Variants in CACNA1E observed in about 807,000 individuals in gnomAD.
The protein encoded by CACNA1E is voltage-dependent R-type calcium channel subunit alpha-1E.
Under a neutral mutation model 259.2 loss-of-function variants are expected in CACNA1E, and 40 were observed. The ratio of observed to expected loss-of-function variants is 0.15; its 90% CI spans 0.12 to 0.20. The LOEUF (loss-of-function observed/expected upper bound fraction) is 0.20, where lower values mean the gene tolerates loss of function less well. CACNA1E is among the 10% of genes least tolerant of loss of function. CACNA1E has a pLI of 1.00. For missense variants in CACNA1E, 1,874 were observed against 3,040.1 expected, an observed-to-expected ratio of 0.62 and a Z score of 9.02; for synonymous variants, 1,104 against 1,138.5, an observed-to-expected ratio of 0.97 and a Z score of 0.61.
At chr1:181,338,724 A>C (rs187754740) in intron 1 of CACNA1E, among the ~76,000 whole-genome samples, 1 of 152,148 alleles carries the variant, frequency 6.6e-6, no homozygotes, top group Non-Finnish European at 1.5e-5. Flanking sequence ...TATTCAAAAA[A>C]TTATTGCCAA....
chr1:181,792,206 C>G (rs1191241767), intron 44 of CACNA1E, among the ~76,000 whole-genome samples: 2 of 152,084 alleles, frequency 1.3e-5, no homozygotes, highest in African/African-American at 2.4e-5. Flanking sequence ...AATAATGTGT[C>G]CTTTCTTTCA....
Position 181,660,396 on chromosome 1 carries a change from A to G in CACNA1E, c.1055+8955A>G, listed in dbSNP as rs565336052. Among the ~76,000 whole-genome samples the G allele has an allele frequency of 2.6e-5, 4 of 152,366 alleles. No individual in the cohort carries two copies. In the South Asian group the frequency reaches 8.3e-4, roughly 32 times the overall value. On this transcript the variant is annotated intron_variant, in intron 7 of 47. Coordinates refer to ENST00000367573, the MANE Select transcript of CACNA1E (RefSeq NM_001205293.3). ...TGGAAATATTTCAAAAATACATGTA[A>G]TGGGACTCTAAGTTCAAATAGTCCA...
intron 6 of CACNA1E, among the ~76,000 whole-genome samples, chr1:181,621,030 G>A (rs570750482): frequency 1.9e-4 from 29 of 152,324 alleles, no homozygotes; most frequent in African/African-American, 6.5e-4. Context: ...CATAATACAT[G>A]GAAAGTTTAT....
At chr1:181,774,575 T>C (rs1659804560) in intron 37 of CACNA1E, among the ~76,000 whole-genome samples, 1 of 152,248 alleles carries the variant, frequency 6.6e-6, no homozygotes, top group Non-Finnish European at 1.5e-5. Context: ...CCATCACCTC[T>C]GTGGTGTGTC....
intron 7 of CACNA1E, among the ~76,000 whole-genome samples, chr1:181,669,393 A>G (rs1038044578): frequency 1.3e-5 from 2 of 152,132 alleles, no homozygotes; most frequent in African/African-American, 4.8e-5. Flanking sequence ...CCAGGTAATC[A>G]CTTCTTTGGC....
chr1:181,700,898 T>TC lies in CACNA1E; in HGVS notation c.1056-10051dup, dbSNP rs377466293. On this transcript the variant is annotated intron_variant, in intron 7 of 47. Coordinates refer to ENST00000367573, the MANE Select transcript of CACNA1E (RefSeq NM_001205293.3). ...TCACTTCGAGTCTCTCCTCAGGAGC[T>TC]CCCCCTGCTCCATTTTCCCTCATAT... 1.7e-3 allele frequency among the ~76,000 whole-genome samples: 260 copies of TC among 152,226 alleles called. 1 individual carries two copies. Among genetic ancestry groups the TC allele is most frequent in the African/African-American group, 6.0e-3 (248 of 41,536 alleles).
chr1:181,699,724 T>C (rs1295671492), intron 7 of CACNA1E, among the ~76,000 whole-genome samples: 1 of 152,084 alleles, frequency 6.6e-6, no homozygotes, highest in Non-Finnish European at 1.5e-5. Context: ...TAGCCTGGAC[T>C]AGGGTGACAG....
At chr1:181,382,649 C>T (rs1256874033) in intron 1 of CACNA1E, among the ~76,000 whole-genome samples, 4 of 152,158 alleles carry the variant, frequency 2.6e-5, no homozygotes, top group Non-Finnish European at 5.9e-5. Context: ...TGACCAACCA[C>T]CTTATTTTCC....
chr1:181,484,045 C>A, intron 1 of CACNA1E, 35 bp downstream of exon 1: 8 of 1,596,736 alleles, frequency 5.0e-6, no homozygotes, highest in Non-Finnish European at 6.9e-6. Flanking sequence ...TCCCTCTCCC[C>A]CTTTGCATTT....
chr1:181,583,094 G>T (rs1185974816), intron 6 of CACNA1E, among the ~76,000 whole-genome samples: 1 of 132,208 alleles, frequency 7.6e-6, no homozygotes, highest in African/African-American at 2.9e-5. Flanking sequence ...TACCTGTTTG[G>T]ACTGTTCCTA....
At chr1:181,426,128 C>T (rs1571842726) in intron 2 of CACNA1E, among the ~76,000 whole-genome samples, 1 of 152,106 alleles carries the variant, frequency 6.6e-6, no homozygotes, top group East Asian at 1.9e-4. Flanking sequence ...TGGCTGGACA[C>T]ACCCAGCTTG....
At chr1:181,554,833 T>C (rs1415727211) in intron 3 of CACNA1E, among the ~76,000 whole-genome samples, 1 of 152,186 alleles carries the variant, frequency 6.6e-6, no homozygotes, top group Non-Finnish European at 1.5e-5. Context: ...CACAAGCTGC[T>C]TGTTTGGATG....
intron 1 of CACNA1E, among the ~76,000 whole-genome samples, chr1:181,372,226 G>A (rs536602553): frequency 7.9e-5 from 12 of 152,252 alleles, no homozygotes; most frequent in African/African-American, 4.8e-5. Context: ...TCCTGTACAT[G>A]AGCATAAAAT....
intron 3 of CACNA1E, among the ~76,000 whole-genome samples, chr1:181,534,792 T>A (rs1470986537): frequency 1.3e-5 from 2 of 152,094 alleles, no homozygotes; most frequent in Non-Finnish European, 2.9e-5. Flanking sequence ...GCAAGCAGAA[T>A]GTGTGAAAGT....
intron 3 of CACNA1E, among the ~76,000 whole-genome samples, chr1:181,553,539 G>A (rs1456298404): frequency 6.6e-6 from 1 of 152,140 alleles, no homozygotes; most frequent in Non-Finnish European, 1.5e-5. Flanking sequence ...CCAATACTAT[G>A]TTGAATAGGA....
rs569883074 is a variant in CACNA1E at position 181,567,992 on chromosome 1, T to C, written c.513-9774T>C. On this transcript the variant is annotated intron_variant, in intron 3 of 47. Transcript: ENST00000367573. ...ACACACACACATCTGGCTTGTGATG[T>C]AAAATACATTGCTTAATGTAGGCTA... Among the ~76,000 whole-genome samples the C allele has an allele frequency of 1.6e-4, 25 of 152,292 alleles. 1 individual carries two copies. The South Asian group carries it at 5.2e-3, about 32-fold the overall frequency.
At chr1:181,749,891 T>C (rs1437933182) in intron 25 of CACNA1E, among the ~76,000 whole-genome samples, 1 of 152,190 alleles carries the variant, frequency 6.6e-6, no homozygotes, top group Non-Finnish European at 1.5e-5. Flanking sequence ...CCTCCCTTAT[T>C]TCAAGTTGGT....
upstream of CACNA1E, among the ~76,000 whole-genome samples, chr1:181,482,323 C>T (rs1056419228): frequency 6.6e-6 from 1 of 152,266 alleles, no homozygotes; most frequent in African/African-American, 2.4e-5. Context: ...GGACACCTCT[C>T]TGCAGGGACC....
intron 7 of CACNA1E, among the ~76,000 whole-genome samples, chr1:181,704,758 C>T (rs1187994701): frequency 2.6e-5 from 4 of 152,080 alleles, no homozygotes; most frequent in Non-Finnish European, 5.9e-5. Flanking sequence ...ATGACAGCAG[C>T]GAGGGGCTGT....
Sources: allele counts gnomAD v4.1 joint callset (sites outside exome capture counted in the v4.1 genomes callset), GRCh38; gene constraint gnomAD v4.1.1; transcripts MANE v1.5; gene names NCBI Gene and HGNC (gene_info 2026-07-23, HGNC 2026-07-21).